FOXN3: variants seen among roughly 807,000 people sequenced by gnomAD.
FOXN3 encodes forkhead box protein N3.
A neutral mutation model predicts 38.4 loss-of-function variants in FOXN3; 7 were observed. The observed-to-expected ratio is 0.18, with a 90% CI of 0.10 to 0.34. FOXN3 has a LOEUF of 0.34. FOXN3 is among the 10% of genes least tolerant of loss of function. FOXN3 has a pLI of 1.00. For missense variants in FOXN3, 456 were observed against 613.4 expected (o/e 0.74, Z 2.71); for synonymous variants, 230 against 242.2 (o/e 0.95, Z 0.47).
At chr14:89,397,133 G>A (rs1212205375) in intron 2 of FOXN3, among the ~76,000 whole-genome samples, 6 of 152,036 alleles carry the variant, frequency 3.9e-5, no homozygotes, top group African/African-American at 7.2e-5. Context: ...CGTCTTTTAC[G>A]GGAACATGGA....
intron 3 of FOXN3, among the ~76,000 whole-genome samples, chr14:89,308,439 T>A (rs903439979): frequency 2.6e-5 from 4 of 152,256 alleles, no homozygotes; most frequent in African/African-American, 9.6e-5. Flanking sequence ...GTGGCCACTA[T>A]GGGTCTCCAG....
intron 1 of FOXN3, among the ~76,000 whole-genome samples, chr14:89,550,379 T>C (rs572426762): frequency 1.3e-5 from 2 of 152,326 alleles, no homozygotes; most frequent in African/African-American, 2.4e-5. Context: ...TAATGTACAG[T>C]GCACAGCAAA....
chr14:89,398,770 G>A (rs1254714105), intron 2 of FOXN3, among the ~76,000 whole-genome samples: 4 of 152,216 alleles, frequency 2.6e-5, no homozygotes, highest in African/African-American at 9.6e-5. Context: ...CAGATCACCT[G>A]AGGTCGGGAG....
At chr14:89,475,151 A>G (rs546862572) in intron 1 of FOXN3, among the ~76,000 whole-genome samples, 1 of 152,292 alleles carries the variant, frequency 6.6e-6, no homozygotes, top group Admixed American at 6.5e-5. Flanking sequence ...CAAATCCTAT[A>G]AAGTGTCCCA....
chr14:89,397,908 C>T (rs527282177), intron 2 of FOXN3, among the ~76,000 whole-genome samples: 54 of 152,306 alleles, frequency 3.5e-4, no homozygotes, highest in African/African-American at 1.3e-3. Context: ...AATGTCACTT[C>T]CCACTTTCAC....
At chr14:89,486,747 C>A (rs1893455057) in intron 1 of FOXN3, 1 of 152,186 alleles carries the variant, frequency 6.6e-6, no homozygotes, top group Non-Finnish European at 1.5e-5. Flanking sequence ...TGGATGTCAT[C>A]TCTGGCCTGA....
intron 3 of FOXN3, among the ~76,000 whole-genome samples, chr14:89,338,469 C>T (rs1253178498): frequency 2.0e-5 from 3 of 151,446 alleles, no homozygotes; most frequent in Admixed American, 2.0e-4. Context: ...AGATTCCTCA[C>T]AATACAAAAC....
intron 2 of FOXN3, among the ~76,000 whole-genome samples, chr14:89,385,684 G>A (rs1345256743): frequency 6.6e-6 from 1 of 152,126 alleles, no homozygotes; most frequent in Non-Finnish European, 1.5e-5. Flanking sequence ...GCACATGCCT[G>A]TAATCCCAGC....
intron 2 of FOXN3, chr14:89,401,680 C>T: frequency 2.2e-6 from 1 of 455,856 alleles, no homozygotes; most frequent in Non-Finnish European, 4.4e-6. Flanking sequence ...CTTCTAAAAA[C>T]AAAGCATGTG....
At chr14:89,220,117 ATTC>A (rs1884418955) in intron 4 of FOXN3, among the ~76,000 whole-genome samples, 3 of 152,032 alleles carry the variant, frequency 2.0e-5, no homozygotes, top group South Asian at 4.2e-4. Context: ...TCATCACATT[ATTC>A]TTCTTCCTCT....
intron 3 of FOXN3, among the ~76,000 whole-genome samples, chr14:89,287,500 A>G (rs1886665509): frequency 1.3e-5 from 2 of 152,194 alleles, no homozygotes; most frequent in South Asian, 4.2e-4. Context: ...TAACTGACAC[A>G]CTCAAGGCCA....
chr14:89,411,238 A>T (rs183237368), intron 2 of FOXN3, among the ~76,000 whole-genome samples: 6 of 152,330 alleles, frequency 3.9e-5, no homozygotes, highest in Admixed American at 6.5e-5. Context: ...TTGGCTCTCC[A>T]CAAAATGGGT....
At chr14:89,409,724 A>T (rs981956567) in intron 2 of FOXN3, among the ~76,000 whole-genome samples, 2 of 152,160 alleles carry the variant, frequency 1.3e-5, no homozygotes, top group African/African-American at 2.4e-5. Context: ...ACAAAGACCC[A>T]CCTATACAGA....
chr14:89,465,116 C>T (rs1005376312), intron 1 of FOXN3, among the ~76,000 whole-genome samples: 2 of 152,148 alleles, frequency 1.3e-5, no homozygotes, highest in Admixed American at 1.3e-4. Context: ...TGTTTGCTTC[C>T]CCTTCTGCCA....
intron 1 of FOXN3, among the ~76,000 whole-genome samples, chr14:89,557,607 C>T (rs1225097855): frequency 6.6e-6 from 1 of 152,140 alleles, no homozygotes; most frequent in Non-Finnish European, 1.5e-5. Flanking sequence ...AGCAGAATTG[C>T]TTGCTGGGGT....
intron 4 of FOXN3, among the ~76,000 whole-genome samples, chr14:89,236,159 C>T (rs1421196899): frequency 6.6e-6 from 1 of 152,212 alleles, no homozygotes; most frequent in East Asian, 1.9e-4. Flanking sequence ...TCCCTAGAGG[C>T]CCAACCTATC....
chr14:89,485,680 C>A (rs1893431077), intron 1 of FOXN3, among the ~76,000 whole-genome samples: 1 of 152,132 alleles, frequency 6.6e-6, no homozygotes, highest in African/African-American at 2.4e-5. Flanking sequence ...CCAGCCAAAG[C>A]CCCTCTGCAA....
chr14:89,247,471 T>C (rs770713537), intron 4 of FOXN3, among the ~76,000 whole-genome samples: 2 of 152,182 alleles, frequency 1.3e-5, no homozygotes, highest in Non-Finnish European at 2.9e-5. Context: ...AAATAGATAA[T>C]TTATTATGCT....
chr14:89,466,037 T>C (rs1892969919), intron 1 of FOXN3, among the ~76,000 whole-genome samples: 1 of 152,202 alleles, frequency 6.6e-6, no homozygotes, highest in Non-Finnish European at 1.5e-5. Context: ...GCCCCCCACA[T>C]AAGTCACAGT....
Sources: gnomAD v4.1 joint callset for allele counts (sites outside exome capture counted in the v4.1 genomes callset) on GRCh38, gnomAD v4.1.1 for gene constraint, MANE v1.5 for transcripts, NCBI Gene and HGNC (gene_info 2026-07-23, HGNC 2026-07-21) for gene names.